Variants in AGBL3 observed in about 807,000 individuals in gnomAD.
AGBL3 encodes cytosolic carboxypeptidase 3.
Under a neutral mutation model 94.5 loss-of-function variants are expected in AGBL3, and 68 were observed. The ratio of observed to expected loss-of-function variants is 0.72; its 90% confidence interval spans 0.59 to 0.88. AGBL3 has a LOEUF of 0.88. AGBL3 is among the 40% of genes least tolerant of loss of function. AGBL3 has a pLI of 0.00. For synonymous variants in AGBL3, 354 were observed against 370.7 expected (o/e 0.95, Z 0.52); for missense variants, 934 against 1,103.8 (o/e 0.85, Z 2.18).
intron 5 of AGBL3, among the ~76,000 whole-genome samples, chr7:135,029,119 AG>A (rs1390278342): frequency 4.6e-5 from 7 of 152,200 alleles, no homozygotes; most frequent in African/African-American, 9.6e-5. Flanking sequence ...ATAATTCTTA[AG>A]GGCCCTAGGA....
At chr7:135,013,980 A>C (rs914439668) in intron 4 of AGBL3, among the ~76,000 whole-genome samples, 1 of 152,038 alleles carries the variant, frequency 6.6e-6, no homozygotes, top group Non-Finnish European at 1.5e-5. Flanking sequence ...GGATTGCCTG[A>C]GCTCAGGAGT....
intron 13 of AGBL3, among the ~76,000 whole-genome samples, chr7:135,078,248 T>A (rs2116838001): frequency 6.6e-6 from 1 of 152,282 alleles, no homozygotes; most frequent in East Asian, 1.9e-4. Flanking sequence ...AGCACTGTCA[T>A]CCCAAGTGAA....
chr7:135,094,637 G>GT (rs750383355), intron 15 of AGBL3: 18 of 422,946 alleles, frequency 4.3e-5, no homozygotes, highest in Non-Finnish European at 7.0e-5. Context: ...AGCATTCTCC[G>GT]TAACAAGGGC....
At chr7:135,013,264 T>G (rs776641739) in intron 4 of AGBL3, among the ~76,000 whole-genome samples, 5 of 152,090 alleles carry the variant, frequency 3.3e-5, no homozygotes, top group South Asian at 2.1e-4. Flanking sequence ...CAACCAAATA[T>G]TAGAAAGTAG....
At position 134,986,605 on chromosome 7, in the gene AGBL3, GCGAGATC is replaced by G. The variant is rs2133340857; in HGVS notation, c.-154_-148del. 1.0e-5 allele frequency: 1 copy of G among 99,770 alleles called. No individual in the cohort carries two copies. Among genetic ancestry groups the G allele is most frequent in the East Asian group, 2.6e-4 (1 of 3,790 alleles). The allele number at this position is 99,770 out of a possible 1,614,324, so 6.2% of individuals were successfully genotyped here. A position where few individuals can be genotyped will look rare whatever the true frequency, so the allele number is the denominator to read the frequency against. ...TGGATACCGGGTTCTCCGCGAGATC[GCGAGATC>G]CCGAGATATTCTCCCCGCACGGAAG... On this transcript the variant is annotated 5_prime_UTR_variant, in exon 1 of 17. Transcript: ENST00000436302.
rs148663925 is a variant in AGBL3, at chr7:135,112,937, G to A, written c.2111-2443G>A. Reference sequence around the variant, plus strand: ...GGATTACAGAACTCGCCACCATGCCGACTTAATTTTTGTATTTTTAGTAGA... The same window carrying A: ...GGATTACAGAACTCGCCACCATGCCAACTTAATTTTTGTATTTTTAGTAGA... On this transcript the variant is annotated intron_variant, in intron 15 of 16. Transcript: ENST00000436302. 2.3e-3 allele frequency among the ~76,000 whole-genome samples: 348 copies of A among 152,112 alleles called. 1 individual carries two copies. Among genetic ancestry groups the A allele is most frequent in the African/African-American group, 7.6e-3 (316 of 41,494 alleles).
chr7:134,997,319 A>T (rs1445340598), intron 4 of AGBL3, among the ~76,000 whole-genome samples: 1 of 152,180 alleles, frequency 6.6e-6, no homozygotes, highest in East Asian at 1.9e-4. Flanking sequence ...GCCATAGACC[A>T]GTACTGGTCC....
At chr7:134,987,837 A>T in intron 1 of AGBL3, 38 bp from the exon 2 acceptor site, 1 of 866,464 alleles carries the variant, frequency 1.2e-6, no homozygotes, top group Non-Finnish European at 1.8e-6. Flanking sequence ...GTAAACACCT[A>T]CAGCTTGAAA....
intron 15 of AGBL3, among the ~76,000 whole-genome samples, chr7:135,096,600 G>GATAC (rs1563260280): frequency 8.7e-5 from 7 of 80,798 alleles, no homozygotes; most frequent in South Asian, 4.9e-4. Context: ...TAGATAGATA[G>GATAC]ATAGATAGAT....
chr7:135,064,605 G>C (rs1819118674), intron 12 of AGBL3, among the ~76,000 whole-genome samples: 1 of 152,210 alleles, frequency 6.6e-6, no homozygotes, highest in Non-Finnish European at 1.5e-5. Flanking sequence ...ATATTTTCAA[G>C]ATAGTGTTAA....
chr7:135,043,362 T>C (rs1305594391), intron 8 of AGBL3, among the ~76,000 whole-genome samples: 2 of 152,146 alleles, frequency 1.3e-5, no homozygotes, highest in African/African-American at 4.8e-5. Context: ...AGACAAACTG[T>C]GCATGTTCTC....
chr7:135,127,007 A>T (rs1482961669), intron 16 of AGBL3, among the ~76,000 whole-genome samples: 1 of 152,246 alleles, frequency 6.6e-6, no homozygotes, highest in Non-Finnish European at 1.5e-5. Flanking sequence ...CAGAAGCCAA[A>T]ATTGACAAAT....
chr7:135,114,733 A>C (rs1473762978), intron 15 of AGBL3, among the ~76,000 whole-genome samples: 2 of 151,958 alleles, frequency 1.3e-5, no homozygotes, highest in East Asian at 3.9e-4. Flanking sequence ...CTTCCAAGAG[A>C]TCTCCCTGTT....
intron 15 of AGBL3, chr7:135,099,882 C>CTTTTTTTT (rs34324217): frequency 2.1e-4 from 13 of 62,702 alleles, no homozygotes; most frequent in Admixed American, 7.9e-4. Flanking sequence ...CTGAGTTTCT[C>CTTTTTTTT]TTTTTTTTTT....
chr7:135,077,963 TG>T (rs1180259904), intron 13 of AGBL3, among the ~76,000 whole-genome samples: 1 of 152,144 alleles, frequency 6.6e-6, no homozygotes, highest in African/African-American at 2.4e-5. Context: ...ACATTCCTGG[TG>T]GGGTTTTGGT....
rs1816842403 is a variant in AGBL3 at position 135,041,380 on chromosome 7, TAAAG to T, written c.1501-2643_1501-2640del. Among the ~76,000 whole-genome samples, 2 of 152,128 alleles carry T rather than the reference TAAAG, an allele frequency of 1.3e-5. 1 individual carries two copies. Among genetic ancestry groups the T allele is most frequent in the Non-Finnish European group, 2.9e-5 (2 of 68,004 alleles). On this transcript the variant is annotated intron_variant, in intron 8 of 16. Transcript: ENST00000436302. ...TTATGACAGTATAAAACTACAGTAA[TAAAG>T]ATAGTATGTTAATAGGAACTGTGTA...
At chr7:135,095,854 T>C (rs1822589548) in intron 15 of AGBL3, among the ~76,000 whole-genome samples, 2 of 152,134 alleles carry the variant, frequency 1.3e-5, no homozygotes, top group South Asian at 4.1e-4. Flanking sequence ...TCTGGAGTGC[T>C]AACAATTCAT....
At chr7:135,074,057 G>A (rs571004585) in intron 12 of AGBL3, among the ~76,000 whole-genome samples, 2 of 151,896 alleles carry the variant, frequency 1.3e-5, no homozygotes, top group East Asian at 3.9e-4. Context: ...TGCTGAGAAT[G>A]GGTCTTAAGT....
chr7:135,114,571 C>T (rs1328872911), intron 15 of AGBL3, among the ~76,000 whole-genome samples: 1 of 152,116 alleles, frequency 6.6e-6, no homozygotes, highest in Non-Finnish European at 1.5e-5. Flanking sequence ...GGAGCCACCA[C>T]TGATTCCTCT....
Sources: allele counts gnomAD v4.1 joint callset (sites outside exome capture counted in the v4.1 genomes callset), GRCh38; gene constraint gnomAD v4.1.1; transcripts MANE v1.5; gene names NCBI Gene and HGNC (gene_info 2026-07-23, HGNC 2026-07-21).